FZD8: variants seen among roughly 807,000 people sequenced by gnomAD.
FZD8 encodes frizzled-8.
Under a neutral mutation model 46.0 loss-of-function variants are expected in FZD8, and 18 were observed. The ratio of observed to expected loss-of-function variants is 0.39; its 90% CI spans 0.27 to 0.58. The LOEUF (loss-of-function observed/expected upper bound fraction) is 0.58, where lower values mean the gene tolerates loss of function less well. Among genes scored for constraint, FZD8 ranks in the 20% least tolerant of loss-of-function variants. The pLI, the probability that FZD8 is intolerant of heterozygous loss-of-function variation, is 0.55. For synonymous variants in FZD8, 586 were observed against 467.9 expected (o/e 1.25, Z -3.26); for missense variants, 785 against 983.4 (o/e 0.80, Z 2.70).
In FZD8 at chr10:35,640,274, C is replaced by A. The variant is rs539148275; in HGVS notation, c.1156G>T (p.Val386Leu). ...GCGGGGCCGGTGGTCTCGTAGCGCACGTGCTGCTCCACCGCGCCCAGCTCC... is the reference window on the plus strand; with the variant it reads ...GCGGGGCCGGTGGTCTCGTAGCGCAAGTGCTGCTCCACCGCGCCCAGCTCC... ...YEELGAVEQH[V>L]RYETTGPALC... The change falls in exon 1 of 1, where the codon GTG becomes TTG. Residue 386 changes from valine (V) to leucine (L), a missense_variant. Around this residue, in one of 5 missense-constraint regions of FZD8, gnomAD observed 88 missense variants for 83.6 expected, o/e 1.05. Transcript: ENST00000374694. 5 of 1,600,278 alleles carry A rather than the reference C, an allele frequency of 3.1e-6. No individual in the cohort carries two copies. In the Admixed American group the frequency reaches 6.7e-5, roughly 21 times the overall value.
chr10:35,639,202 G>A lies in FZD8; in HGVS notation c.*143C>T. On this transcript the variant is annotated 3_prime_UTR_variant, in exon 1 of 1. Coordinates refer to ENST00000374694, the MANE Select transcript of FZD8 (RefSeq NM_031866.3). ...TGAGTCATTTAAGTCCCAGCTAATGGATACCATTAAGAGTTCATTATCATG... is the reference window on the plus strand; with the variant it reads ...TGAGTCATTTAAGTCCCAGCTAATGAATACCATTAAGAGTTCATTATCATG... 1 of 254,590 alleles carries A rather than the reference G, an allele frequency of 3.9e-6. No homozygotes were observed. The highest frequency in any genetic ancestry group is 7.5e-5 in the East Asian group (1 of 13,312). The allele number at this position is 254,590 out of a possible 1,614,324, so 15.8% of individuals were successfully genotyped here.
In FZD8 at chr10:35,641,459, C is replaced by A; in HGVS notation, c.-30G>T. On this transcript the variant is annotated 5_prime_UTR_variant, in exon 1 of 1. In the 5' UTR this introduces an upstream ATG that the reference lacks. Coordinates refer to ENST00000374694, the MANE Select transcript of FZD8 (RefSeq NM_031866.3). The surrounding 1 kb of genome is among the most constrained non-coding windows in gnomAD (Gnocchi z 6.3). ...TGCGCCTCGGCCCGGTGCCCTCGCC[C>A]TCCAGGCGGCGCGCAGAGGGGTGCC... The A allele has an allele frequency of 6.5e-7, 1 of 1,549,054 alleles. No homozygotes were observed.
In FZD8 at chr10:35,641,492, G is replaced by GGC; in HGVS notation, c.-64_-63insGC. 1 of 1,509,328 alleles carries GGC rather than the reference G, an allele frequency of 6.6e-7. No individual in the cohort carries two copies. The highest frequency in any genetic ancestry group is 8.8e-7 in the Non-Finnish European group (1 of 1,136,122). 93.5% of individuals were successfully genotyped at this position (1,509,328 alleles called of 1,614,324 possible). ...GGCGCGCAGAGGGGTGCCGGGGGGG[G>GGC]GGCCCACGAGAGAGCCGCAGACGGG... On this transcript the variant is annotated 5_prime_UTR_variant, in exon 1 of 1. Transcript: ENST00000374694. This position sits in a 1 kb window ranked among gnomAD's most constrained non-coding sequence, Gnocchi z 6.3.
Position 35,639,315 on chromosome 10 carries a change from C to A in FZD8, c.*30G>T, listed in dbSNP as rs1251851910. The stretch of plus-strand genomic sequence containing the variant: ...ACTTGGCTCTCCTCGCCCCCCTCCC[C>A]ACCCCTCCTGGGCGCCCCCTCCCCT... On this transcript the variant is annotated 3_prime_UTR_variant, in exon 1 of 1. Coordinates refer to ENST00000374694, the MANE Select transcript of FZD8 (RefSeq NM_031866.3). The A allele has an allele frequency of 3.0e-6, 3 of 1,010,738 alleles. No individual in the cohort carries two copies. Among genetic ancestry groups the A allele is most frequent in the Non-Finnish European group, 2.8e-6 (2 of 721,702 alleles). The allele number at this position is 1,010,738 out of a possible 1,614,324, so 62.6% of individuals were successfully genotyped here.
chr10:35,639,327 G>T lies in FZD8; in HGVS notation c.*18C>A. The T allele has an allele frequency of 7.8e-7, 1 of 1,278,468 alleles. No individual in the cohort carries two copies. The highest frequency in any genetic ancestry group is 1.0e-6 in the Non-Finnish European group (1 of 956,910). 79.2% of individuals were successfully genotyped at this position (1,278,468 alleles called of 1,614,324 possible). On this transcript the variant is annotated 3_prime_UTR_variant, in exon 1 of 1. Coordinates refer to ENST00000374694, the MANE Select transcript of FZD8 (RefSeq NM_031866.3). ...TCGCCCCCCTCCCCACCCCTCCTGG[G>T]CGCCCCCTCCCCTCCGCTCAGACCT...
Position 35,640,357 on chromosome 10 carries a change from GC to G in FZD8, c.1072del (p.Ala358ArgfsTer58), listed in dbSNP as rs1835835587. On this transcript the variant is annotated frameshift_variant, in exon 1 of 1. Coordinates refer to ENST00000374694, the MANE Select transcript of FZD8 (RefSeq NM_031866.3). LOFTEE classifies it high-confidence loss of function. Reference protein sequence around the residue: ...GGAGGAGGAAAGAGAAGAGAG... With the variant: ...GGAGGAGGAAXGAGAAGAGAG... ...GCCCGCGCCCGCCGCGCCCGCGCCC[GC>G]CGCCGCGCCGCCCGCGCCCCCAGCG... 1.2e-5 allele frequency: 12 copies of G among 962,166 alleles called. No homozygotes were observed. The highest frequency in any genetic ancestry group is 1.5e-5 in the Non-Finnish European group (12 of 812,188). The allele number at this position is 962,166 out of a possible 1,614,324, so 59.6% of individuals were successfully genotyped here.
In FZD8 at chr10:35,642,262, C is replaced by T. The variant is rs1835881765; in HGVS notation, c.-833G>A. On this transcript the variant is annotated 5_prime_UTR_variant, in exon 1 of 1. Coordinates refer to ENST00000374694, the MANE Select transcript of FZD8 (RefSeq NM_031866.3). Reference sequence around the variant, plus strand: ...GCCTCCTCCTCGGCGGGAGCAGCGCCCTTAGCCCAACTTCCCGGCTCCAGC... The same window carrying T: ...GCCTCCTCCTCGGCGGGAGCAGCGCTCTTAGCCCAACTTCCCGGCTCCAGC... 6.5e-6 allele frequency: 1 copy of T among 152,734 alleles called. No individual in the cohort carries two copies. The highest frequency in any genetic ancestry group is 1.5e-5 in the Non-Finnish European group (1 of 68,578). 9.5% of individuals were successfully genotyped at this position (152,734 alleles called of 1,614,324 possible).
At position 35,641,494 on chromosome 10, in the gene FZD8, G is replaced by GT. The variant is rs1554808068; in HGVS notation, c.-66_-65insA. On this transcript the variant is annotated 5_prime_UTR_variant, in exon 1 of 1. Coordinates refer to ENST00000374694, the MANE Select transcript of FZD8 (RefSeq NM_031866.3). This position sits in a 1 kb window ranked among gnomAD's most constrained non-coding sequence, Gnocchi z 6.3. Reference sequence around the variant, plus strand: ...CGCGCAGAGGGGTGCCGGGGGGGGGGCCCACGAGAGAGCCGCAGACGGGTA... The same window carrying GT: ...CGCGCAGAGGGGTGCCGGGGGGGGGGTCCCACGAGAGAGCCGCAGACGGGTA... 21 of 1,505,982 alleles carry GT rather than the reference G, an allele frequency of 1.4e-5. No individual in the cohort carries two copies. Among genetic ancestry groups the GT allele is most frequent in the South Asian group, 5.2e-5 (4 of 77,436 alleles). 93.3% of individuals were successfully genotyped at this position (1,505,982 alleles called of 1,614,324 possible). A position where few individuals can be genotyped will look rare whatever the true frequency, so the allele number is the denominator to read the frequency against.
rs977452180 is a variant in FZD8 at position 35,639,521 on chromosome 10, C to T, written c.1909G>A (p.Ala637Thr). The T allele has an allele frequency of 7.7e-6, 9 of 1,174,422 alleles. No homozygotes were observed. The highest frequency in any genetic ancestry group is 9.5e-6 in the Non-Finnish European group (9 of 946,304). The allele number at this position is 1,174,422 out of a possible 1,614,324, so 72.8% of individuals were successfully genotyped here. A position where few individuals can be genotyped will look rare whatever the true frequency, so the allele number is the denominator to read the frequency against. Reference protein sequence around the residue: ...AAVGGGAGATAAGGGGGPGGG... With the variant: ...AAVGGGAGATTAGGGGGPGGG... ...CCCGGCCCGCCGCCACCCCCCGCGGCCGTGGCGCCCGCGCCCCCGCCCACC... is the reference window on the plus strand; with the variant it reads ...CCCGGCCCGCCGCCACCCCCCGCGGTCGTGGCGCCCGCGCCCCCGCCCACC... Residue 637 changes from alanine (A) to threonine (T), a missense_variant, in exon 1 of 1, where the codon GCC (alanine) becomes ACC (threonine). Physicochemically the swap from Ala to Thr is moderately conservative, Grantham distance 58. Transcript: ENST00000374694.
At position 35,638,573 on chromosome 10, in the gene FZD8, G is replaced by A. The variant is rs1835798824; in HGVS notation, c.*772C>T. 6.6e-6 allele frequency: 1 copy of A among 152,544 alleles called. No individual in the cohort carries two copies. The highest frequency in any genetic ancestry group is 1.5e-5 in the Non-Finnish European group (1 of 68,052). 9.4% of individuals were successfully genotyped at this position (152,544 alleles called of 1,614,324 possible). A position where few individuals can be genotyped will look rare whatever the true frequency, so the allele number is the denominator to read the frequency against. ...TGCGTCCTTAGCAAGCACTTTAAAG[G>A]TGACAGCTCAGAAGAGGCGGGGGAG... On this transcript the variant is annotated 3_prime_UTR_variant, in exon 1 of 1. Transcript: ENST00000374694.
At position 35,639,875 on chromosome 10, in the gene FZD8, C is replaced by T. The variant is rs1835826475; in HGVS notation, c.1555G>A (p.Gly519Ser). Reference sequence around the variant, plus strand: ...TCCAGCTTGTGCGTCTTGGTGGGGCCGTCCTGTTGCTTGATGACCGAGCGG... The same window carrying T: ...TCCAGCTTGTGCGTCTTGGTGGGGCTGTCCTGTTGCTTGATGACCGAGCGG... ...RIRSVIKQQD[G>S]PTKTHKLEKL... Residue 519 changes from glycine (G) to serine (S), a missense_variant, in exon 1 of 1, where the codon GGC (glycine) becomes AGC (serine). By Grantham distance (56) the Gly-to-Ser change is moderately conservative (BLOSUM62 0). Transcript: ENST00000374694. The T allele has an allele frequency of 6.2e-7, 1 of 1,611,346 alleles. No individual in the cohort carries two copies. Among genetic ancestry groups the T allele is most frequent in the Non-Finnish European group, 8.5e-7 (1 of 1,179,890 alleles).
Position 35,640,740 on chromosome 10 carries a change from G to C in FZD8, c.690C>G (p.Pro230=), listed in dbSNP as rs762903827. The change falls in exon 1 of 1, where the codon CCC becomes CCG. Residue 230 remains proline, a synonymous_variant. Coordinates refer to ENST00000374694, the MANE Select transcript of FZD8 (RefSeq NM_031866.3). ...PPGGGAAPCE[P]GCQCRAPMVS... ...CCATAGGCGCGCGGCACTGGCACCC[G>C]GGCTCGCAGGGAGCCGCGCCGCCGC... 3 of 1,362,400 alleles carry C rather than the reference G, an allele frequency of 2.2e-6. No individual in the cohort carries two copies. Among genetic ancestry groups the C allele is most frequent in the East Asian group, 2.8e-5 (1 of 35,404 alleles). 84.4% of individuals were successfully genotyped at this position (1,362,400 alleles called of 1,614,324 possible).
In FZD8 at chr10:35,639,293, T is replaced by C; in HGVS notation, c.*52A>G. 1 of 992,016 alleles carries C rather than the reference T, an allele frequency of 1.0e-6. No homozygotes were observed. The highest frequency in any genetic ancestry group is 2.8e-5 in the Admixed American group (1 of 35,262). 61.5% of individuals were successfully genotyped at this position (992,016 alleles called of 1,614,324 possible). ...CCATCAAGTGTCCCTTCGCTGCACT[T>C]GGCTCTCCTCGCCCCCCTCCCCACC... On this transcript the variant is annotated 3_prime_UTR_variant, in exon 1 of 1. Coordinates refer to ENST00000374694, the MANE Select transcript of FZD8 (RefSeq NM_031866.3).
Position 35,639,458 on chromosome 10 carries a change from G to T in FZD8, c.1972C>A (p.Pro658Thr). The T allele has an allele frequency of 9.4e-7, 1 of 1,061,054 alleles. No individual in the cohort carries two copies. The highest frequency in any genetic ancestry group is 1.1e-6 in the Non-Finnish European group (1 of 870,652). 65.7% of individuals were successfully genotyped at this position (1,061,054 alleles called of 1,614,324 possible). A position where few individuals can be genotyped will look rare whatever the true frequency, so the allele number is the denominator to read the frequency against. The change falls in exon 1 of 1, where the codon CCG becomes ACG. Residue 658 changes from proline (P) to threonine (T), a missense_variant. Physicochemically the swap from Pro to Thr is conservative, Grantham distance 38. Transcript: ENST00000374694. ...TAGAGGGAGCCCCCGCCGCCGCCCG[G>T]CCCCCCGCCGCCGCCGGGTCCCCCG... Reference protein sequence around the residue: ...GGGGPGGGGGPGGGGGSLYSD... With the variant: ...GGGGPGGGGGTGGGGGSLYSD...
rs999967919 is a variant in FZD8 at position 35,641,559 on chromosome 10, AG to A, written c.-131del. 3.0e-4 allele frequency: 369 copies of A among 1,238,878 alleles called. 1 individual carries two copies. Among genetic ancestry groups the A allele is most frequent in the Non-Finnish European group, 3.8e-4 (352 of 922,842 alleles). 76.7% of individuals were successfully genotyped at this position (1,238,878 alleles called of 1,614,324 possible). ...GGGTCTCCCTTATGCTTCGCCCGGG[AG>A]GGGGGTCTGCCGATAATCTAACCCC... On this transcript the variant is annotated 5_prime_UTR_variant, in exon 1 of 1. Coordinates refer to ENST00000374694, the MANE Select transcript of FZD8 (RefSeq NM_031866.3). This position sits in a 1 kb window ranked among gnomAD's most constrained non-coding sequence, Gnocchi z 6.3.
chr10:35,640,380 A>C lies in FZD8; in HGVS notation c.1050T>G (p.Ala350=), dbSNP rs1470822394. 1.2e-5 allele frequency: 13 copies of C among 1,051,626 alleles called. No homozygotes were observed. Among genetic ancestry groups the C allele is most frequent in the African/African-American group, 3.5e-5 (2 of 56,836 alleles). 65.1% of individuals were successfully genotyped at this position (1,051,626 alleles called of 1,614,324 possible). A position where few individuals can be genotyped will look rare whatever the true frequency, so the allele number is the denominator to read the frequency against. The part of the protein sequence containing the change: ...CSGGAPGAGG[A]GGAGGAAAGA... ...CCGCCGCCGCGCCGCCCGCGCCCCC[A>C]GCGCCCCCCGCGCCCGGCGCGCCAC... Residue 350 remains alanine, a synonymous_variant, in exon 1 of 1, where the codon GCT becomes GCG. Coordinates refer to ENST00000374694, the MANE Select transcript of FZD8 (RefSeq NM_031866.3).
At position 35,639,451 on chromosome 10, in the gene FZD8, CCG is replaced by C; in HGVS notation, c.1977_1978del (p.Gly660ArgfsTer60). On this transcript the variant is annotated frameshift_variant, in exon 1 of 1. Transcript: ENST00000374694. LOFTEE classifies it high-confidence loss of function. ...GTCGCTGTAGAGGGAGCCCCCGCCG[CCG>C]CCCGGCCCCCCGCCGCCGCCGGGTC... 1 of 1,128,830 alleles carries C rather than the reference CCG, an allele frequency of 8.9e-7. No individual in the cohort carries two copies. The highest frequency in any genetic ancestry group is 1.1e-6 in the Non-Finnish European group (1 of 911,252). 69.9% of individuals were successfully genotyped at this position (1,128,830 alleles called of 1,614,324 possible). A position where few individuals can be genotyped will look rare whatever the true frequency, so the allele number is the denominator to read the frequency against.
Position 35,639,266 on chromosome 10 carries a change from GC to G in FZD8, c.*78del. 1 of 587,794 alleles carries G rather than the reference GC, an allele frequency of 1.7e-6. No individual in the cohort carries two copies. The highest frequency in any genetic ancestry group is 2.5e-6 in the Non-Finnish European group (1 of 392,664). 36.4% of individuals were successfully genotyped at this position (587,794 alleles called of 1,614,324 possible). ...ACACTGTGAAGGGGTGGGAACCTCA[GC>G]CCATCAAGTGTCCCTTCGCTGCACT... On this transcript the variant is annotated 3_prime_UTR_variant, in exon 1 of 1. Transcript: ENST00000374694.
In FZD8 at chr10:35,639,381, C is replaced by A; in HGVS notation, c.2049G>T (p.Val683=). The part of the protein sequence containing the change: ...LTWRSGTASS[V]SYPKQMPLSQ... Reference sequence around the variant, plus strand: ...ACAATGGCATCTGCTTTGGATAAGACACGGAGCTCGCCGTGCCCGACCGCC... The same window carrying A: ...ACAATGGCATCTGCTTTGGATAAGAAACGGAGCTCGCCGTGCCCGACCGCC... The change falls in exon 1 of 1, where the codon GTG becomes GTT. Residue 683 remains valine (V), a synonymous_variant. Transcript: ENST00000374694. 6.8e-7 allele frequency: 1 copy of A among 1,476,426 alleles called. No homozygotes were observed. The highest frequency in any genetic ancestry group is 9.0e-7 in the Non-Finnish European group (1 of 1,105,064). 91.5% of individuals were successfully genotyped at this position (1,476,426 alleles called of 1,614,324 possible).
Sources: allele counts gnomAD v4.1 joint callset, GRCh38; gene constraint gnomAD v4.1.1; regional missense constraint gnomAD v4.1.1; non-coding constraint Gnocchi (gnomAD v3.1); transcripts MANE v1.5; gene names NCBI Gene and HGNC (gene_info 2026-07-23, HGNC 2026-07-21).